The following NDST3 variants were observed in gnomAD, a reference collection of about 807,000 sequenced individuals.
NDST3 encodes N-deacetylase and N-sulfotransferase 3.
Under a neutral mutation model 96.1 loss-of-function variants are expected in NDST3, and 58 were observed. That is an observed-to-expected ratio of 0.60 (90% CI 0.49 to 0.75). NDST3 has a LOEUF of 0.75. Among genes scored for constraint, NDST3 ranks in the 30% least tolerant of loss-of-function variants. NDST3 has a pLI of 0.00. For missense variants in NDST3, 788 were observed against 1,034.2 expected, an observed-to-expected ratio of 0.76 and a Z score of 3.27; for synonymous variants, 333 against 359.7, an observed-to-expected ratio of 0.93 and a Z score of 0.84.
chr4:118,195,673 A>G lies in NDST3; in HGVS notation c.1540-28818A>G, dbSNP rs1737632311. Among the ~76,000 whole-genome samples the G allele has an allele frequency of 2.0e-5, 3 of 152,256 alleles. No homozygotes were observed. In the South Asian group the frequency reaches 6.2e-4, roughly 31 times the overall value. On this transcript the variant is annotated intron_variant, in intron 6 of 13. Transcript: ENST00000296499. ...TTCACACTGTTCACTATTAGCATAT[A>G]CAAATGCTACTGATTTTTGTATGTT... is the stretch of plus-strand genomic sequence containing the variant.
intron 2 of NDST3, among the ~76,000 whole-genome samples, chr4:118,098,610 C>T (rs1729531095): frequency 6.6e-6 from 1 of 151,970 alleles, no homozygotes; most frequent in Admixed American, 6.6e-5. Context: ...ATGCTCAAGA[C>T]CAGTTAAAGT....
chr4:118,103,029 G>C (rs1729889010), intron 2 of NDST3, among the ~76,000 whole-genome samples: 1 of 152,058 alleles, frequency 6.6e-6, no homozygotes. Flanking sequence ...TTAGTTCGCA[G>C]GAACTTTATT....
chr4:118,104,890 T>C (rs1287344799), intron 2 of NDST3, 128 bp from the exon 3 acceptor site: 1 of 628,836 alleles, frequency 1.6e-6, no homozygotes, highest in Non-Finnish European at 2.7e-6. Flanking sequence ...AAGAAACTAT[T>C]TTCCACCATT....
At chr4:118,164,334 T>C (rs989907833) in intron 6 of NDST3, among the ~76,000 whole-genome samples, 21 of 152,082 alleles carry the variant, frequency 1.4e-4, no homozygotes, top group Admixed American at 1.3e-3. Flanking sequence ...ACACTTGGGC[T>C]GACCACAGGG....
chr4:118,082,672 C>T (rs746186296), intron 2 of NDST3, among the ~76,000 whole-genome samples: 10 of 152,156 alleles, frequency 6.6e-5, no homozygotes, highest in Admixed American at 2.0e-4. Context: ...CTCAAAACAA[C>T]AGTACAGAGC....
chr4:118,072,374 T>C (rs899860776), intron 2 of NDST3, among the ~76,000 whole-genome samples: 4 of 152,148 alleles, frequency 2.6e-5, no homozygotes, highest in African/African-American at 9.6e-5. Context: ...CGGAATGCTA[T>C]TCCTTTCTTT....
intron 3 of NDST3, among the ~76,000 whole-genome samples, chr4:118,112,531 T>A (rs944193368): frequency 6.6e-6 from 1 of 152,132 alleles, no homozygotes; most frequent in East Asian, 1.9e-4. Flanking sequence ...TGGCAACAAA[T>A]AACTGACACT....
intron 6 of NDST3, among the ~76,000 whole-genome samples, chr4:118,188,244 AT>A (rs1325918611): frequency 4.0e-5 from 6 of 150,158 alleles, no homozygotes; most frequent in African/African-American, 1.2e-4. Context: ...TATTTTAGCA[AT>A]TTAGGACAGT....
chr4:118,185,505 T>C (rs180766888), intron 6 of NDST3, among the ~76,000 whole-genome samples: 6 of 151,040 alleles, frequency 4.0e-5, no homozygotes, highest in Admixed American at 3.3e-4. Flanking sequence ...ATATGATATA[T>C]GTAGATATCA....
intron 9 of NDST3, among the ~76,000 whole-genome samples, chr4:118,233,709 G>A (rs1469246587): frequency 1.3e-5 from 2 of 152,020 alleles, no homozygotes; most frequent in Non-Finnish European, 2.9e-5. Context: ...AAAAATGTCA[G>A]AATACACAAA....
intron 2 of NDST3, among the ~76,000 whole-genome samples, chr4:118,063,486 C>A (rs1726065554): frequency 6.6e-6 from 1 of 152,026 alleles, no homozygotes; most frequent in East Asian, 1.9e-4. Context: ...GTACGATTTG[C>A]CAGTTACTGG....
intron 2 of NDST3, 117 bp downstream of exon 2, chr4:118,055,008 G>C: frequency 7.9e-7 from 1 of 1,266,942 alleles, no homozygotes. Flanking sequence ...GGGAAAGTCT[G>C]GGCAATCTAG....
chr4:118,139,959 A>T (rs940447977), intron 5 of NDST3, among the ~76,000 whole-genome samples: 1 of 152,182 alleles, frequency 6.6e-6, no homozygotes, highest in Non-Finnish European at 1.5e-5. Context: ...TCTATCCCAT[A>T]GACAGTGCCA....
rs1381827643 is a variant in NDST3 at position 118,224,446 on chromosome 4, T to C, written c.1540-45T>C. 5.2e-6 allele frequency: 8 copies of C among 1,541,664 alleles called. No individual in the cohort carries two copies. The Admixed American group carries it at 1.4e-4, about 28-fold the overall frequency. ...GCTGTGATTATACTGCCCTCTAGTG[T>C]CAAAATAAATGTTATTTACACTGAA... On this transcript the variant is annotated intron_variant, in intron 6 of 13. Coordinates refer to ENST00000296499, the MANE Select transcript of NDST3 (RefSeq NM_004784.3).
In NDST3 at chr4:118,062,721, G is replaced by T. The variant is rs1220128331; in HGVS notation, c.981+7830G>T. Among the ~76,000 whole-genome samples the T allele has an allele frequency of 3.9e-5, 6 of 152,152 alleles. No homozygotes were observed. In the East Asian group the frequency reaches 1.2e-3, roughly 29 times the overall value. On this transcript the variant is annotated intron_variant, in intron 2 of 13. Transcript: ENST00000296499. ...ATAATCTATTTACTTTTAATATATTGTATTAAATTTGTTGTTACATTGTGA... is the reference window on the plus strand; with the variant it reads ...ATAATCTATTTACTTTTAATATATTTTATTAAATTTGTTGTTACATTGTGA...
chr4:118,175,988 A>G (rs1055972038), intron 6 of NDST3, among the ~76,000 whole-genome samples: 7 of 152,098 alleles, frequency 4.6e-5, no homozygotes, highest in African/African-American at 1.4e-4. Context: ...TAGCCAACAC[A>G]TTGCACATTC....
At position 118,197,076 on chromosome 4, in the gene NDST3, CA is replaced by C. The variant is rs532669063; in HGVS notation, c.1540-27414del. 8.1e-3 allele frequency among the ~76,000 whole-genome samples: 1,235 copies of C among 151,642 alleles called. 6 individuals are homozygous for C. Among genetic ancestry groups the C allele is most frequent in the Non-Finnish European group, 0.014 (936 of 67,908 alleles). ...TTTTTCCAAGAAATTTTTCAATTTC[CA>C]TCTTAATTTCTTCATTTACCCACTG... On this transcript the variant is annotated intron_variant, in intron 6 of 13. Transcript: ENST00000296499.
chr4:118,048,128 T>G (rs576946355), intron 1 of NDST3, among the ~76,000 whole-genome samples: 1 of 152,238 alleles, frequency 6.6e-6, no homozygotes, highest in Admixed American at 6.5e-5. Context: ...GGCACCAAAC[T>G]AAGCTTCTTG....
chr4:118,231,282 G>A (rs900384551), intron 8 of NDST3, among the ~76,000 whole-genome samples: 1 of 151,500 alleles, frequency 6.6e-6, no homozygotes, highest in Non-Finnish European at 1.5e-5. Flanking sequence ...GTTGCAGTGA[G>A]CCCAGATCGT....
Sources: gnomAD v4.1 joint callset for allele counts (sites outside exome capture counted in the v4.1 genomes callset) on GRCh38, gnomAD v4.1.1 for gene constraint, MANE v1.5 for transcripts, NCBI Gene and HGNC (gene_info 2026-07-23, HGNC 2026-07-21) for gene names.